GPRC6A: variants seen among roughly 807,000 people sequenced by gnomAD.
GPRC6A encodes the protein G protein-coupled receptor family C group 6 member A.
In GPRC6A, 54 loss-of-function variants were observed where a neutral mutation model predicts 47.0. That is an observed-to-expected ratio of 1.15 (90% CI 0.92 to 1.44). The LOEUF is 1.44. Ranked by LOEUF, GPRC6A falls within the 40% of genes most tolerant of loss-of-function variation. GPRC6A has a pLI of 0.00. For missense variants in GPRC6A, 1,112 were observed against 1,105.5 expected (o/e 1.01, Z -0.08); for synonymous variants, 347 against 377.1 (o/e 0.92, Z 0.93).
chr6:116,792,509 G>A lies in GPRC6A; in HGVS notation c.2414C>T (p.Thr805Ile), dbSNP rs2114573074. 6.2e-7 allele frequency: 1 copy of A among 1,613,854 alleles called. No homozygotes were observed. Among genetic ancestry groups the A allele is most frequent in the Non-Finnish European group, 8.5e-7 (1 of 1,179,834 alleles). The change falls in exon 6 of 6, where the codon ACA (threonine) becomes ATA (isoleucine). Residue 805 changes from threonine (T) to isoleucine (I), a missense_variant. Physicochemically the swap from Thr to Ile is moderately conservative, Grantham distance 89. Coordinates refer to ENST00000310357, the MANE Select transcript of GPRC6A (RefSeq NM_148963.4). ...CACAGCTGGTACATATTTGCCAAAT[G>A]TGGTAGCATAGATAGGGATGAATGT... is the stretch of plus-strand genomic sequence containing the variant. ...WITFIPIYAT[T>I]FGKYVPAVEI...
At chr6:116,817,231 T>A (rs1582473138) in intron 1 of GPRC6A, among the ~76,000 whole-genome samples, 1 of 152,262 alleles carries the variant, frequency 6.6e-6, no homozygotes, top group South Asian at 2.1e-4. Flanking sequence ...CCCTGACCCC[T>A]GACCCCCGAG....
chr6:116,815,118 A>G (rs763818928), intron 1 of GPRC6A, among the ~76,000 whole-genome samples: 14 of 152,196 alleles, frequency 9.2e-5, no homozygotes, highest in Non-Finnish European at 1.3e-4. Context: ...CTGCAATACA[A>G]TAATAGTGGA....
chr6:116,806,789 A>T lies in GPRC6A; in HGVS notation c.916T>A (p.Ser306Thr). Residue 306 changes from serine (S) to threonine (T), a missense_variant, in exon 3 of 6, where the codon TCA (serine) becomes ACA (threonine). By Grantham distance (58) the Ser-to-Thr change is moderately conservative. Coordinates refer to ENST00000310357, the MANE Select transcript of GPRC6A (RefSeq NM_148963.4). ...NKMWIASDNW[S>T]TATKITTIPN... ...ATGGTGGTAATCTTGGTGGCAGTTG[A>T]CCAATTATCACTAGCAATCCACATC... The T allele has an allele frequency of 6.2e-7, 1 of 1,613,554 alleles. No homozygotes were observed. The highest frequency in any genetic ancestry group is 8.5e-7 in the Non-Finnish European group (1 of 1,179,750).
At chr6:116,798,039 C>T (rs1216909576) in intron 4 of GPRC6A, among the ~76,000 whole-genome samples, 1 of 152,178 alleles carries the variant, frequency 6.6e-6, no homozygotes, top group Non-Finnish European at 1.5e-5. Context: ...ATATGTTAGG[C>T]ACTGTTCTAA....
Position 116,806,931 on chromosome 6 carries a change from G to A in GPRC6A, c.774C>T (p.Ile258=), listed in dbSNP as rs1206463958. The A allele has an allele frequency of 1.2e-6, 2 of 1,613,504 alleles. No homozygotes were observed. Among genetic ancestry groups the A allele is most frequent in the East Asian group, 4.5e-5 (2 of 44,880 alleles). ...AAATGATTTTCTTCAGTGTCCGATT[G>A]ATTCTGACTTCAATGGTATTATCTG... ...FLSDNTIEVR[I]NRTLKKIILE... Residue 258 remains isoleucine, a synonymous_variant, in exon 3 of 6, where the codon ATC becomes ATT. Coordinates refer to ENST00000310357, the MANE Select transcript of GPRC6A (RefSeq NM_148963.4).
chr6:116,797,297 C>T (rs1051552030), intron 4 of GPRC6A, among the ~76,000 whole-genome samples: 5 of 151,902 alleles, frequency 3.3e-5, no homozygotes, highest in Non-Finnish European at 5.9e-5. Flanking sequence ...TGGACATTTC[C>T]GAGATAAAGC....
chr6:116,818,253 G>T (rs1439132692), intron 1 of GPRC6A, among the ~76,000 whole-genome samples: 1 of 151,824 alleles, frequency 6.6e-6, no homozygotes, highest in African/African-American at 2.4e-5. Flanking sequence ...AAGAATTTTC[G>T]GCCGGGCGCG....
intron 1 of GPRC6A, among the ~76,000 whole-genome samples, chr6:116,821,501 C>T (rs1159100242): frequency 6.6e-6 from 1 of 151,974 alleles, no homozygotes; most frequent in African/African-American, 2.4e-5. Context: ...GGTACCGGTA[C>T]CAAAACAGAG....
rs615199 is a variant in GPRC6A, at chr6:116,792,490, T to C, written c.2433A>G (p.Pro811=). The C allele has an allele frequency of 0.31, 504,461 of 1,613,438 alleles. 81,938 individuals are homozygous for C. Among genetic ancestry groups the C allele is most frequent in the East Asian group, 0.52 (23,401 of 44,870 alleles). Residue 811 remains proline, a synonymous_variant, in exon 6 of 6, where the codon CCA becomes CCG. Transcript: ENST00000310357. ...TTAATATGACAATAATCTCCACAGC[T>C]GGTACATATTTGCCAAATGTGGTAG... ...IYATTFGKYV[P]AVEIIVILIS...
Position 116,808,150 on chromosome 6 carries a change from G to A in GPRC6A, c.499-944C>T, listed in dbSNP as rs139099848. Among the ~76,000 whole-genome samples, 239 of 152,096 alleles carry A rather than the reference G, an allele frequency of 1.6e-3. 1 individual carries two copies. The highest frequency in any genetic ancestry group is 4.7e-3 in the African/African-American group (196 of 41,512). ...TGTAAAGTTATAAGATTCTTGCTAA[G>A]ATTAAAGGAGAAAATTTAAATAGAT... On this transcript the variant is annotated intron_variant, in intron 2 of 5. Transcript: ENST00000310357.
intron 1 of GPRC6A, among the ~76,000 whole-genome samples, chr6:116,816,356 A>G (rs377488261): frequency 9.9e-5 from 15 of 152,262 alleles, no homozygotes; most frequent in African/African-American, 3.4e-4. Flanking sequence ...CTACAGGCCC[A>G]TGTAAATCCC....
At chr6:116,819,183 C>T (rs1422347530) in intron 1 of GPRC6A, among the ~76,000 whole-genome samples, 7 of 151,250 alleles carry the variant, frequency 4.6e-5, no homozygotes, top group Admixed American at 1.3e-4. Flanking sequence ...ATGCACCCAA[C>T]ACAGGAGCAC....
intron 2 of GPRC6A, among the ~76,000 whole-genome samples, chr6:116,808,546 GTATT>G (rs1160385190): frequency 1.3e-5 from 2 of 151,900 alleles, no homozygotes; most frequent in Non-Finnish European, 2.9e-5. Context: ...ATTTGTATAT[GTATT>G]TATTTACTCT....
intron 2 of GPRC6A, among the ~76,000 whole-genome samples, chr6:116,808,278 T>C (rs573621908): frequency 3.3e-5 from 5 of 152,276 alleles, no homozygotes; most frequent in African/African-American, 9.6e-5. Context: ...TTAAAATTAG[T>C]GTTACCCATA....
In GPRC6A at chr6:116,792,359, C is replaced by T. The variant is rs373924677; in HGVS notation, c.2564G>A (p.Ser855Asn). Residue 855 changes from serine (S) to asparagine (N), a missense_variant, in exon 6 of 6, where the codon AGT (serine) becomes AAT (asparagine). Ser to Asn is a conservative substitution (Grantham distance 46). Coordinates refer to ENST00000310357, the MANE Select transcript of GPRC6A (RefSeq NM_148963.4). ...GCTGCTCACACTATGGGAAGAATAACTGTAGATCATCTTGAGAAAGGCAGA... is the reference window on the plus strand; with the variant it reads ...GCTGCTCACACTATGGGAAGAATAATTGTAGATCATCTTGAGAAAGGCAGA... ...TKSAFLKMIY[S>N]YSSHSVSSIA... 3.1e-6 allele frequency: 5 copies of T among 1,613,856 alleles called. No individual in the cohort carries two copies. Among genetic ancestry groups the T allele is most frequent in the African/African-American group, 1.3e-5 (1 of 74,902 alleles).
rs889675690 is a variant in GPRC6A at position 116,800,290 on chromosome 6, C to T, written c.1548+294G>A. Among the ~76,000 whole-genome samples, 17 of 134,730 alleles carry T rather than the reference C, an allele frequency of 1.3e-4. No individual in the cohort carries two copies. In the South Asian group the frequency reaches 3.0e-3, roughly 24 times the overall value. 88.4% of individuals were successfully genotyped at this position (134,730 alleles called of 152,430 possible). On this transcript the variant is annotated intron_variant, in intron 4 of 5. Coordinates refer to ENST00000310357, the MANE Select transcript of GPRC6A (RefSeq NM_148963.4). ...CCTCCCTCCCTCCCTCCCTTCCTTCCTCTCTTTCTCTCTCTCCCTTTCTTT... is the reference window on the plus strand; with the variant it reads ...CCTCCCTCCCTCCCTCCCTTCCTTCTTCTCTTTCTCTCTCTCCCTTTCTTT...
At chr6:116,798,480 G>T (rs1772556139) in intron 4 of GPRC6A, among the ~76,000 whole-genome samples, 1 of 152,112 alleles carries the variant, frequency 6.6e-6, no homozygotes, top group African/African-American at 2.4e-5. Context: ...GGGGTAGGTT[G>T]TGTAGAATTT....
Position 116,793,223 on chromosome 6 carries a change from T to C in GPRC6A, c.1700A>G (p.Asn567Ser), listed in dbSNP as rs1222703481. The C allele has an allele frequency of 1.2e-6, 2 of 1,601,146 alleles. No homozygotes were observed. The highest frequency in any genetic ancestry group is 2.2e-5 in the East Asian group (1 of 44,788). ...TDMPHCLLCNNKTHWAPVRST... is the reference protein window; with the variant it reads ...TDMPHCLLCNSKTHWAPVRST... ...CCTAACAGGGGCCCAGTGAGTTTTG[T>C]TGTTGCATAAAAGGCAGTGAGGCAT... Residue 567 changes from asparagine (N) to serine (S), a missense_variant, in exon 6 of 6, where the codon AAC becomes AGC. Physicochemically the swap from Asn to Ser is conservative, Grantham distance 46. Coordinates refer to ENST00000310357, the MANE Select transcript of GPRC6A (RefSeq NM_148963.4).
At position 116,804,888 on chromosome 6, in the gene GPRC6A, T is replaced by A. The variant is rs139059838; in HGVS notation, c.1335+1482A>T. ...ATGTCATCTGTCTCCACAACTGTTCTCTATTTCTCTTTCTCAATCTCTTAT... is the reference window on the plus strand; with the variant it reads ...ATGTCATCTGTCTCCACAACTGTTCACTATTTCTCTTTCTCAATCTCTTAT... On this transcript the variant is annotated intron_variant, in intron 3 of 5. Transcript: ENST00000310357. Among the ~76,000 whole-genome samples, 304 of 152,202 alleles carry A rather than the reference T, an allele frequency of 2.0e-3. 1 individual carries two copies. Among genetic ancestry groups the A allele is most frequent in the African/African-American group, 6.1e-3 (253 of 41,570 alleles).
Sources: gnomAD v4.1 joint callset for allele counts (sites outside exome capture counted in the v4.1 genomes callset) on GRCh38, gnomAD v4.1.1 for gene constraint, MANE v1.5 for transcripts, NCBI Gene and HGNC (gene_info 2026-07-23, HGNC 2026-07-21) for gene names.